The following MTUS1 variants were observed in gnomAD, a reference collection of about 807,000 sequenced individuals.
MTUS1 encodes microtubule-associated tumor suppressor 1.
MTUS1 carries 109 observed loss-of-function variants against 120.8 expected under a neutral mutation model. That is an observed-to-expected ratio of 0.90 (90% confidence interval 0.77 to 1.06). The LOEUF (loss-of-function observed/expected upper bound fraction) is 1.06. Among genes scored for constraint, MTUS1 ranks in the 50% least tolerant of loss-of-function variants. MTUS1 has a pLI of 0.00. For synonymous variants in MTUS1, 737 were observed against 550.5 expected, an observed-to-expected ratio of 1.34 and a Z score of -4.74; for missense variants, 2,210 against 1,486.3, an observed-to-expected ratio of 1.49 and a Z score of -8.01.
chr8:17,689,122 A>T (rs545953353), intron 6 of MTUS1, among the ~76,000 whole-genome samples: 4 of 152,232 alleles, frequency 2.6e-5, no homozygotes, highest in Admixed American at 6.5e-5. Flanking sequence ...GAGGCAGGAG[A>T]ATCACTTGAA....
At chr8:17,714,975 G>A (rs554988816) in intron 5 of MTUS1, among the ~76,000 whole-genome samples, 13 of 135,858 alleles carry the variant, frequency 9.6e-5, no homozygotes, top group Non-Finnish European at 1.5e-4. Flanking sequence ...GCGCGATCTC[G>A]GCTCACTGCA....
intron 1 of MTUS1, among the ~76,000 whole-genome samples, chr8:17,761,067 T>C (rs2049003838): frequency 6.6e-6 from 1 of 152,136 alleles, no homozygotes; most frequent in African/African-American, 2.4e-5. Flanking sequence ...TCCCCACTTA[T>C]TAAAGAGCTG....
intron 7 of MTUS1, among the ~76,000 whole-genome samples, chr8:17,679,509 TTATTTA>T (rs66527647): frequency 0.5 from 69,567 of 138,198 alleles, 18,617 homozygotes; most frequent in Middle Eastern, 0.66. Flanking sequence ...ATTTATTTAT[TTATTTA>T]TTTTTTGAGA....
Position 17,655,852 on chromosome 8 carries a change from A to G in MTUS1, c.3108+11T>C, listed in dbSNP as rs1808095061. On this transcript the variant is annotated intron_variant, in intron 9 of 14. Transcript: ENST00000693296. ...AGGCCTCAGACAAGCTCTGGCTGCA[A>G]AAGCACAGACCTGCTCTTGCAATTG... The G allele has an allele frequency of 1.9e-6, 3 of 1,614,070 alleles. No homozygotes were observed. Among genetic ancestry groups the G allele is most frequent in the Non-Finnish European group, 2.5e-6 (3 of 1,179,912 alleles).
chr8:17,687,651 C>A (rs868552422), intron 6 of MTUS1, among the ~76,000 whole-genome samples: 2 of 152,138 alleles, frequency 1.3e-5, no homozygotes, highest in East Asian at 3.8e-4. Flanking sequence ...TTTATCTCAA[C>A]AAGATAATTA....
At chr8:17,698,095 A>C (rs1818332970) in intron 6 of MTUS1, among the ~76,000 whole-genome samples, 1 of 152,210 alleles carries the variant, frequency 6.6e-6, no homozygotes. Flanking sequence ...TTCAACTTTA[A>C]TTCCCACATG....
chr8:17,697,731 TGGTCTCA>T, intron 6 of MTUS1: 9 of 996,616 alleles, frequency 9.0e-6, no homozygotes, highest in Non-Finnish European at 1.1e-5. Context: ...AGAAAGTGGG[TGGTCTCA>T]GGAGCTTTAC....
chr8:17,770,183 T>C (rs2049920802), intron 1 of MTUS1, among the ~76,000 whole-genome samples: 1 of 152,186 alleles, frequency 6.6e-6, no homozygotes, highest in Non-Finnish European at 1.5e-5. Flanking sequence ...ATTTGATTAT[T>C]ATCCTTTACA....
chr8:17,747,855 G>A (rs1057165758), intron 2 of MTUS1, among the ~76,000 whole-genome samples: 2 of 152,172 alleles, frequency 1.3e-5, no homozygotes, highest in Non-Finnish European at 2.9e-5. Context: ...CACAATCATG[G>A]CAGAGGGCAA....
intron 8 of MTUS1, among the ~76,000 whole-genome samples, chr8:17,668,983 G>C (rs1264599205): frequency 6.6e-6 from 1 of 152,204 alleles, no homozygotes; most frequent in Non-Finnish European, 1.5e-5. Context: ...CCTTTCCCTA[G>C]CTACCACTGT....
At chr8:17,657,404 T>C (rs574713870) in intron 8 of MTUS1, among the ~76,000 whole-genome samples, 3 of 150,850 alleles carry the variant, frequency 2.0e-5, no homozygotes, top group South Asian at 4.2e-4. Flanking sequence ...CCGTCTCTAC[T>C]AAAAATACAA....
intron 2 of MTUS1, among the ~76,000 whole-genome samples, chr8:17,750,644 G>T (rs1586156859): frequency 6.6e-6 from 1 of 152,192 alleles, no homozygotes. Flanking sequence ...CAATTGCCCT[G>T]TTGTTATTGG....
At chr8:17,765,884 T>A (rs1203014580) in intron 1 of MTUS1, among the ~76,000 whole-genome samples, 1 of 152,094 alleles carries the variant, frequency 6.6e-6, no homozygotes, top group Non-Finnish European at 1.5e-5. Flanking sequence ...GGCTTCTAAA[T>A]TACCTAACAA....
intron 6 of MTUS1, chr8:17,703,869 A>G (rs1585817307): frequency 6.6e-6 from 1 of 152,230 alleles, no homozygotes. Flanking sequence ...AGAAGCATGT[A>G]ATCTTTGCTC....
At chr8:17,656,544 A>ACCCCC (rs781054052) in intron 8 of MTUS1, among the ~76,000 whole-genome samples, 2 of 68,668 alleles carry the variant, frequency 2.9e-5, no homozygotes, top group African/African-American at 8.6e-5. Flanking sequence ...AAACAAACAA[A>ACCCCC]ACCCCCCCCC....
chr8:17,797,397 A>G (rs1007222641), intron 1 of MTUS1, among the ~76,000 whole-genome samples: 1 of 151,956 alleles, frequency 6.6e-6, no homozygotes, highest in East Asian at 1.9e-4. Context: ...TGGGTGACAC[A>G]GCAATATCCC....
At chr8:17,799,335 T>C (rs530368621) in intron 1 of MTUS1, among the ~76,000 whole-genome samples, 12 of 152,212 alleles carry the variant, frequency 7.9e-5, no homozygotes, top group Admixed American at 7.9e-4. Flanking sequence ...TTTCATGACA[T>C]GGAAAATTTT....
intron 1 of MTUS1, chr8:17,770,624 G>T (rs1170022600): frequency 1.3e-5 from 2 of 152,148 alleles, no homozygotes; most frequent in African/African-American, 4.8e-5. Flanking sequence ...AGCCTCTCTG[G>T]GGACTATGAT....
At chr8:17,721,444 G>A (rs1183069903) in intron 4 of MTUS1, among the ~76,000 whole-genome samples, 1 of 152,072 alleles carries the variant, frequency 6.6e-6, no homozygotes, top group Non-Finnish European at 1.5e-5. Flanking sequence ...CCATCAAAAA[G>A]TCTTTGATAA....
Sources: allele counts gnomAD v4.1 joint callset (sites outside exome capture counted in the v4.1 genomes callset), GRCh38; gene constraint gnomAD v4.1.1; transcripts MANE v1.5; gene names NCBI Gene and HGNC (gene_info 2026-07-23, HGNC 2026-07-21).